CDIN1: variants seen among roughly 807,000 people sequenced by gnomAD.
The protein encoded by CDIN1 is CDAN1 interacting nuclease 1.
CDIN1 carries 33 observed loss-of-function variants against 45.3 expected under a neutral mutation model. The ratio of observed to expected loss-of-function variants is 0.73; its 90% CI spans 0.55 to 0.97. The LOEUF is 0.97. CDIN1 is among the 50% of genes least tolerant of loss of function. CDIN1 has a pLI of 0.00. For synonymous variants in CDIN1, 118 were observed against 124.4 expected (o/e 0.95, Z 0.34); for missense variants, 303 against 339.4 (o/e 0.89, Z 0.84).
chr15:36,777,680 G>T (rs749310673), intron 10 of CDIN1, among the ~76,000 whole-genome samples: 1 of 152,108 alleles, frequency 6.6e-6, no homozygotes, highest in African/African-American at 2.4e-5. Flanking sequence ...GCCCAGTCTC[G>T]TCTCACTGCA....
intron 1 of CDIN1, among the ~76,000 whole-genome samples, chr15:36,587,197 G>GT (rs147534576): frequency 0.032 from 4,927 of 151,876 alleles, 130 homozygotes; most frequent in South Asian, 0.12. Context: ...TTTGAAGCAT[G>GT]TTTTTTTTCT....
chr15:36,753,129 C>T (rs1386712688), intron 10 of CDIN1, among the ~76,000 whole-genome samples: 1 of 152,126 alleles, frequency 6.6e-6, no homozygotes, highest in East Asian at 1.9e-4. Flanking sequence ...TCTCATAGCA[C>T]CACTGCGGCA....
chr15:36,712,334 C>T (rs1455639165), intron 10 of CDIN1, among the ~76,000 whole-genome samples: 2 of 119,460 alleles, frequency 1.7e-5, no homozygotes, highest in Non-Finnish European at 3.2e-5. Flanking sequence ...AGTGTGATAT[C>T]GGCTCACTGA....
chr15:36,631,800 CTG>C (rs899507612), intron 1 of CDIN1, among the ~76,000 whole-genome samples: 3 of 152,058 alleles, frequency 2.0e-5, no homozygotes, highest in African/African-American at 7.2e-5. Flanking sequence ...CATATGATAA[CTG>C]TGTTTTTTAA....
chr15:36,635,581 T>C (rs2140367013), intron 1 of CDIN1, among the ~76,000 whole-genome samples: 1 of 152,112 alleles, frequency 6.6e-6, no homozygotes, highest in Middle Eastern at 3.4e-3. Flanking sequence ...GTATGACACA[T>C]AATGAGAGAT....
chr15:36,743,978 CTTT>C (rs34573450), intron 10 of CDIN1, among the ~76,000 whole-genome samples: 4 of 139,740 alleles, frequency 2.9e-5, no homozygotes, highest in Non-Finnish European at 3.1e-5. Context: ...CATTTTTTGT[CTTT>C]TTTTTTTTTT....
intron 10 of CDIN1, among the ~76,000 whole-genome samples, chr15:36,728,197 A>G (rs565824701): frequency 6.6e-6 from 1 of 152,304 alleles, no homozygotes; most frequent in East Asian, 1.9e-4. Context: ...TTAAAAGCTT[A>G]TCAACAAGTA....
chr15:36,802,528 A>G (rs1290204535), intron 10 of CDIN1, among the ~76,000 whole-genome samples: 1 of 152,190 alleles, frequency 6.6e-6, no homozygotes, highest in Non-Finnish European at 1.5e-5. Flanking sequence ...CAGTCTCTGA[A>G]GAGGATGCCT....
Position 36,579,830 on chromosome 15 carries a change from G to A in CDIN1, c.-31G>A, listed in dbSNP as rs1433929875. On this transcript the variant is annotated 5_prime_UTR_variant, in exon 1 of 11. Coordinates refer to ENST00000566621, the MANE Select transcript of CDIN1 (RefSeq NM_001321759.2). ...TTGAGCCCCAGGGTGTTTTTTCCTTGTTCCCGCCACCTCCTGGTCCCTGGC... is the reference window on the plus strand; with the variant it reads ...TTGAGCCCCAGGGTGTTTTTTCCTTATTCCCGCCACCTCCTGGTCCCTGGC... 6.3e-7 allele frequency: 1 copy of A among 1,583,144 alleles called. No individual in the cohort carries two copies. The highest frequency in any genetic ancestry group is 8.6e-7 in the Non-Finnish European group (1 of 1,162,166).
chr15:36,698,093 T>C (rs1007394386), intron 8 of CDIN1, among the ~76,000 whole-genome samples: 19 of 152,192 alleles, frequency 1.2e-4, no homozygotes, highest in Middle Eastern at 6.3e-3. Flanking sequence ...CTGTTTTATA[T>C]AGATATTGAA....
At chr15:36,722,029 G>A (rs969711903) in intron 10 of CDIN1, among the ~76,000 whole-genome samples, 4 of 152,018 alleles carry the variant, frequency 2.6e-5, no homozygotes, top group African/African-American at 9.7e-5. Context: ...ATTGCTTGAT[G>A]TCTAGTGTTT....
intron 1 of CDIN1, among the ~76,000 whole-genome samples, chr15:36,606,476 A>G (rs1420344420): frequency 6.6e-6 from 1 of 152,186 alleles, no homozygotes; most frequent in African/African-American, 2.4e-5. Context: ...CCATAAAGAG[A>G]TGCGGAAATG....
At chr15:36,616,119 C>A (rs150812568) in intron 1 of CDIN1, among the ~76,000 whole-genome samples, 311 of 152,312 alleles carry the variant, frequency 2.0e-3, no homozygotes, top group Non-Finnish European at 3.5e-3. Flanking sequence ...AATCTCTTAA[C>A]CACCAGGCTG....
intron 1 of CDIN1, among the ~76,000 whole-genome samples, chr15:36,624,851 A>G (rs777794129): frequency 5.9e-5 from 9 of 152,178 alleles, no homozygotes; most frequent in Admixed American, 2.0e-4. Context: ...AAGAATTACA[A>G]AGTGAAAGTG....
intron 1 of CDIN1, chr15:36,627,488 C>T: frequency 6.4e-6 from 1 of 156,910 alleles, no homozygotes; most frequent in Non-Finnish European, 1.4e-5. Flanking sequence ...TTTCTTGTGG[C>T]CAGACTTGGA....
chr15:36,758,023 T>C (rs2053655535), intron 10 of CDIN1, among the ~76,000 whole-genome samples: 1 of 152,156 alleles, frequency 6.6e-6, no homozygotes, highest in South Asian at 2.1e-4. Context: ...ATTATATGTA[T>C]GTATGTATAG....
rs116720967 is a variant in CDIN1, at chr15:36,675,715, G to A, written c.347-15970G>A. ...ACGGATTTTAATTATATAGTACACT[G>A]TTAATTGTACAACTATTTTTAGATC... On this transcript the variant is annotated intron_variant, in intron 5 of 10. Coordinates refer to ENST00000566621, the MANE Select transcript of CDIN1 (RefSeq NM_001321759.2). Among the ~76,000 whole-genome samples the A allele has an allele frequency of 5.9e-3, 891 of 152,252 alleles. 10 individuals carry two copies. Among genetic ancestry groups the A allele is most frequent in the African/African-American group, 0.02 (828 of 41,542 alleles).
intron 1 of CDIN1, among the ~76,000 whole-genome samples, chr15:36,585,207 A>C (rs2037240108): frequency 6.6e-6 from 1 of 152,144 alleles, no homozygotes; most frequent in African/African-American, 2.4e-5. Context: ...ATTCTCATAT[A>C]CCCTTCACCC....
At chr15:36,757,425 C>G (rs1358267418) in intron 10 of CDIN1, among the ~76,000 whole-genome samples, 1 of 152,166 alleles carries the variant, frequency 6.6e-6, no homozygotes, top group Non-Finnish European at 1.5e-5. Flanking sequence ...GCTATCAATC[C>G]GATACAAAAT....
Sources: allele counts gnomAD v4.1 joint callset (sites outside exome capture counted in the v4.1 genomes callset), GRCh38; gene constraint gnomAD v4.1.1; transcripts MANE v1.5; gene names NCBI Gene and HGNC (gene_info 2026-07-23, HGNC 2026-07-21).